Variants in GUCY1A2 observed in about 807,000 individuals in gnomAD.
The protein encoded by GUCY1A2 is guanylate cyclase soluble subunit alpha-2.
A neutral mutation model predicts 63.5 loss-of-function variants in GUCY1A2; 27 were observed. That is an observed-to-expected ratio of 0.43 (90% confidence interval 0.31 to 0.59). The LOEUF is 0.59. Among genes scored for constraint, GUCY1A2 ranks in the 20% least tolerant of loss-of-function variants. The pLI, the probability that GUCY1A2 is intolerant of heterozygous loss-of-function variation, is 0.11. For synonymous variants in GUCY1A2, 364 were observed against 343.5 expected (o/e 1.06, Z -0.66); for missense variants, 768 against 913.3 (o/e 0.84, Z 2.05).
intron 4 of GUCY1A2, among the ~76,000 whole-genome samples, chr11:106,896,216 AAC>A (rs1860047382): frequency 3.3e-5 from 5 of 152,038 alleles, no homozygotes; most frequent in African/African-American, 7.2e-5. Flanking sequence ...AAAGAAGAAA[AAC>A]ATCACATGAT....
At position 106,686,991 on chromosome 11, in the gene GUCY1A2, TGTA is replaced by T; in HGVS notation, c.*555_*557del. On this transcript the variant is annotated 3_prime_UTR_variant, in exon 8 of 8. Coordinates refer to ENST00000526355, the MANE Select transcript of GUCY1A2 (RefSeq NM_000855.3). ...GAAAATCTAATAATGTTGTGCGAAA[TGTA>T]GTTATCTAGAAGAGATATGTATAAA... The T allele has an allele frequency of 4.9e-6, 1 of 205,500 alleles. No homozygotes were observed. The highest frequency in any genetic ancestry group is 1.0e-5 in the Non-Finnish European group (1 of 100,442). The allele number at this position is 205,500 out of a possible 1,614,324, so 12.7% of individuals were successfully genotyped here.
intron 3 of GUCY1A2, among the ~76,000 whole-genome samples, chr11:106,973,615 T>C (rs1038619572): frequency 6.6e-6 from 1 of 152,048 alleles, no homozygotes; most frequent in African/African-American, 2.4e-5. Context: ...AGAGGAGTGA[T>C]GACACAGTCA....
At chr11:106,913,127 ATAT>A (rs1485293758) in intron 4 of GUCY1A2, among the ~76,000 whole-genome samples, 2 of 2,496 alleles carry the variant, frequency 8.0e-4, no homozygotes, top group Admixed American at 5.0e-3. Flanking sequence ...TTCAAAAGAT[ATAT>A]ATATATATAT....
At chr11:106,817,736 A>T (rs1023957631) in intron 4 of GUCY1A2, among the ~76,000 whole-genome samples, 2 of 152,112 alleles carry the variant, frequency 1.3e-5, no homozygotes, top group African/African-American at 4.8e-5. Flanking sequence ...CAAGAGAAAT[A>T]TGAAAAAAAT....
intron 7 of GUCY1A2, among the ~76,000 whole-genome samples, chr11:106,706,594 TATG>T (rs1862917060): frequency 6.6e-6 from 1 of 151,558 alleles, no homozygotes; most frequent in Non-Finnish European, 1.5e-5. Flanking sequence ...CAGCTACTGT[TATG>T]ATGTCTAAGC....
At chr11:106,765,359 G>A (rs1591267085) in intron 6 of GUCY1A2, among the ~76,000 whole-genome samples, 1 of 152,032 alleles carries the variant, frequency 6.6e-6, no homozygotes, top group South Asian at 2.1e-4. Flanking sequence ...ATGTTAAGGT[G>A]GAAAGAGTAT....
intron 5 of GUCY1A2, among the ~76,000 whole-genome samples, chr11:106,795,953 G>A (rs1488959815): frequency 6.6e-6 from 1 of 152,146 alleles, no homozygotes; most frequent in African/African-American, 2.4e-5. Flanking sequence ...AAGTCTCTTT[G>A]TAGGTCTGTA....
rs1208174078 is a variant in GUCY1A2 at position 106,678,876 on chromosome 11, T to G, written c.*8673A>C. 1 of 189,412 alleles carries G rather than the reference T, an allele frequency of 5.3e-6. No individual in the cohort carries two copies. Among genetic ancestry groups the G allele is most frequent in the African/African-American group, 2.3e-5 (1 of 43,012 alleles). 11.7% of individuals were successfully genotyped at this position (189,412 alleles called of 1,614,324 possible). A position where few individuals can be genotyped will look rare whatever the true frequency, so the allele number is the denominator to read the frequency against. ...AATGCCACAATTTTTAAGTCTGTCA[T>G]ATTTATGACTTTTTTTCTGTAACAA... is the stretch of plus-strand genomic sequence containing the variant. On this transcript the variant is annotated 3_prime_UTR_variant, in exon 8 of 8. Transcript: ENST00000526355.
chr11:106,764,973 G>T (rs1864135122), intron 6 of GUCY1A2, among the ~76,000 whole-genome samples: 1 of 92,660 alleles, frequency 1.1e-5, no homozygotes, highest in Non-Finnish European at 2.3e-5. Context: ...ATTTTTTTGG[G>T]GGGGGGTTGG....
intron 4 of GUCY1A2, among the ~76,000 whole-genome samples, chr11:106,842,426 T>C (rs1859212104): frequency 6.6e-6 from 1 of 152,016 alleles, no homozygotes; most frequent in Non-Finnish European, 1.5e-5. Context: ...GTCAGTGTTG[T>C]AGAATAAACA....
chr11:106,713,234 G>C (rs1863152288), intron 6 of GUCY1A2, among the ~76,000 whole-genome samples: 1 of 152,048 alleles, frequency 6.6e-6, no homozygotes, highest in African/African-American at 2.4e-5. Flanking sequence ...TCTTTTGTAT[G>C]TTTTGTCCTG....
chr11:106,773,243 CA>C (rs1196880893), intron 6 of GUCY1A2, among the ~76,000 whole-genome samples: 1 of 150,708 alleles, frequency 6.6e-6, no homozygotes, highest in Non-Finnish European at 1.5e-5. Flanking sequence ...GAATTGTTTC[CA>C]TTTTTCCAGT....
intron 6 of GUCY1A2, among the ~76,000 whole-genome samples, chr11:106,755,268 C>G (rs1354154186): frequency 6.6e-6 from 1 of 152,038 alleles, no homozygotes; most frequent in Non-Finnish European, 1.5e-5. Flanking sequence ...AGCAGTCTGT[C>G]TATTTTGTTG....
chr11:106,878,997 A>G (rs908348443), intron 4 of GUCY1A2, among the ~76,000 whole-genome samples: 1 of 152,080 alleles, frequency 6.6e-6, no homozygotes, highest in Non-Finnish European at 1.5e-5. Flanking sequence ...ATAACTACCA[A>G]CATTGCTTTC....
chr11:106,754,777 T>A (rs11211895), intron 6 of GUCY1A2, among the ~76,000 whole-genome samples: 1 of 152,094 alleles, frequency 6.6e-6, no homozygotes, highest in Non-Finnish European at 1.5e-5. Flanking sequence ...TTGAGGATTT[T>A]CACATCAATG....
chr11:106,996,683 G>A (rs887600804), intron 1 of GUCY1A2, among the ~76,000 whole-genome samples: 1 of 152,184 alleles, frequency 6.6e-6, no homozygotes, highest in South Asian at 2.1e-4. Flanking sequence ...CCAGTCAGTG[G>A]CTAAGAGACT....
chr11:106,700,995 A>G (rs182944030), intron 7 of GUCY1A2, among the ~76,000 whole-genome samples: 24 of 152,294 alleles, frequency 1.6e-4, no homozygotes, highest in Admixed American at 4.6e-4. Flanking sequence ...AGTATTACTG[A>G]TTATTAAACT....
chr11:106,793,098 G>A (rs1042240881), intron 5 of GUCY1A2, among the ~76,000 whole-genome samples: 22 of 152,026 alleles, frequency 1.4e-4, no homozygotes, highest in Admixed American at 2.6e-4. Context: ...AGCTGGAGCC[G>A]TCAGATTTCC....
intron 5 of GUCY1A2, among the ~76,000 whole-genome samples, chr11:106,797,254 G>C (rs1864781641): frequency 6.6e-6 from 1 of 152,082 alleles, no homozygotes; most frequent in South Asian, 2.1e-4. Flanking sequence ...TTGATCGTCT[G>C]AAGCCTTCTT....
Sources: allele counts gnomAD v4.1 joint callset (sites outside exome capture counted in the v4.1 genomes callset), GRCh38; gene constraint gnomAD v4.1.1; transcripts MANE v1.5; gene names NCBI Gene and HGNC (gene_info 2026-07-23, HGNC 2026-07-21).